The following REV1 variants were observed in gnomAD, a reference collection of about 807,000 sequenced individuals.
REV1 encodes REV1 DNA directed polymerase.
REV1 carries 42 observed loss-of-function variants against 137.4 expected under a neutral mutation model. The ratio of observed to expected loss-of-function variants is 0.31; its 90% CI spans 0.24 to 0.40. REV1 has a LOEUF of 0.40. Ranked by LOEUF, REV1 falls within the 10% of genes least tolerant of loss-of-function variation. REV1 has a pLI of 1.00. For synonymous variants in REV1, 524 were observed against 519.2 expected, an observed-to-expected ratio of 1.01 and a Z score of -0.12; for missense variants, 1,282 against 1,490.1, an observed-to-expected ratio of 0.86 and a Z score of 2.30.
intron 1 of REV1, among the ~76,000 whole-genome samples, chr2:99,473,245 G>A (rs1039520513): frequency 6.6e-6 from 1 of 152,028 alleles, no homozygotes; most frequent in Non-Finnish European, 1.5e-5. Flanking sequence ...GCGCATGCCT[G>A]TAGTCCCAGC....
intron 9 of REV1, among the ~76,000 whole-genome samples, chr2:99,428,008 T>C (rs1027143425): frequency 6.6e-5 from 10 of 152,080 alleles, no homozygotes; most frequent in African/African-American, 2.2e-4. Context: ...CTACACACAA[T>C]TGTGGCTCCT....
rs762376327 is a variant in REV1 at position 99,406,396 on chromosome 2, C to T, written c.2543G>A (p.Gly848Glu). ...GAAGACATCACGGACAGAGTATGAC[C>T]CACTAGGAAAGTGGCTTGACTGAAC... ...PSVQSSHFPS[G>E]SYSVRDVFQV... Residue 848 changes from glycine (G) to glutamate (E), a missense_variant, in exon 16 of 23, where the codon GGG becomes GAG. By Grantham distance (98) the Gly-to-Glu change is moderately conservative (BLOSUM62 -2). Around this residue, in one of 7 missense-constraint regions of REV1, gnomAD observed 372 missense variants for 482.3 expected, o/e 0.77. Transcript: ENST00000258428. 1.2e-6 allele frequency: 2 copies of T among 1,613,666 alleles called. No homozygotes were observed. Among genetic ancestry groups the T allele is most frequent in the South Asian group, 1.1e-5 (1 of 91,040 alleles).
chr2:99,433,460 CTA>C (rs1189134010), intron 8 of REV1, among the ~76,000 whole-genome samples: 6 of 152,162 alleles, frequency 3.9e-5, no homozygotes, highest in Non-Finnish European at 2.9e-5. Flanking sequence ...AACAAAAAGA[CTA>C]TAATCCCAAA....
At chr2:99,416,022 A>G (rs948672420) in intron 12 of REV1, among the ~76,000 whole-genome samples, 2 of 152,370 alleles carry the variant, frequency 1.3e-5, no homozygotes, top group South Asian at 2.1e-4. Flanking sequence ...AAAACTTACT[A>G]TTGTGTTTTT....
chr2:99,477,189 G>C (rs1686074999), intron 1 of REV1, among the ~76,000 whole-genome samples: 1 of 152,132 alleles, frequency 6.6e-6, no homozygotes, highest in Non-Finnish European at 1.5e-5. Context: ...AGGCAGAGTG[G>C]GCAACCAGAG....
At chr2:99,465,304 T>C (rs2105153059) in intron 1 of REV1, among the ~76,000 whole-genome samples, 2 of 152,320 alleles carry the variant, frequency 1.3e-5, no homozygotes, top group Admixed American at 1.3e-4. Flanking sequence ...AACATGGCCA[T>C]GCTTACTTTA....
rs1363246009 is a variant in REV1 at position 99,406,007 on chromosome 2, T to A, written c.2714A>T (p.Asn905Ile). ...CCATTTCCCTGAAGACTCAGCCTTG[T>A]TAGTATCAGGACTGGTCGGCAGATG... ...PAHLPTSPDT[N>I]KAESSGKWNG... The change falls in exon 17 of 23, where the codon AAC (asparagine) becomes ATC (isoleucine). Residue 905 changes from asparagine (N) to isoleucine (I), a missense_variant. By Grantham distance (149) the Asn-to-Ile change is moderately radical. This residue lies in a region of REV1 where 135 missense variants were observed against 123.3 expected (regional missense o/e 1.10). Coordinates refer to ENST00000258428, the MANE Select transcript of REV1 (RefSeq NM_016316.4). The A allele has an allele frequency of 6.2e-7, 1 of 1,614,096 alleles. No homozygotes were observed. The highest frequency in any genetic ancestry group is 1.1e-5 in the South Asian group (1 of 91,072).
chr2:99,469,041 G>A (rs1478523234), intron 1 of REV1, among the ~76,000 whole-genome samples: 2 of 152,142 alleles, frequency 1.3e-5, no homozygotes, highest in African/African-American at 2.4e-5. Flanking sequence ...TAACAGCACT[G>A]AGCCTAACAT....
At chr2:99,485,423 A>G (rs1211158961) in intron 1 of REV1, among the ~76,000 whole-genome samples, 1 of 152,238 alleles carries the variant, frequency 6.6e-6, no homozygotes, top group Non-Finnish European at 1.5e-5. Context: ...GGAAAAACCC[A>G]GTGAAAGAAG....
chr2:99,464,883 AC>A lies in REV1; in HGVS notation c.54+38del, dbSNP rs1684625011. On this transcript the variant is annotated intron_variant, in intron 2 of 22. Coordinates refer to ENST00000258428, the MANE Select transcript of REV1 (RefSeq NM_016316.4). The stretch of plus-strand genomic sequence containing the variant: ...TAACAGAAGAATGAAAAATAACTAG[AC>A]AGTTCGATATAATTATTTTTACTCT... The A allele has an allele frequency of 1.9e-6, 3 of 1,567,082 alleles. No individual in the cohort carries two copies. In the East Asian group the frequency reaches 6.7e-5, roughly 35 times the overall value.
At chr2:99,421,714 G>A (rs1168735526) in intron 10 of REV1, 61 bp from the exon 11 acceptor site, 1 of 1,524,334 alleles carries the variant, frequency 6.6e-7, no homozygotes, top group Non-Finnish European at 8.9e-7. Context: ...TAGACCCAAT[G>A]TTGCAAAATA....
In REV1 at chr2:99,429,830, T is replaced by G. The variant is rs1185582795; in HGVS notation, c.1547+10A>C. 1 of 1,486,420 alleles carries G rather than the reference T, an allele frequency of 6.7e-7. No homozygotes were observed. Among genetic ancestry groups the G allele is most frequent in the East Asian group, 2.3e-5 (1 of 42,602 alleles). The allele number at this position is 1,486,420 out of a possible 1,614,324, so 92.1% of individuals were successfully genotyped here. ...TTCATTAAGAATTGTAACACACAAC[T>G]TCTACATACCTGGCCTCATAACTAC... On this transcript the variant is annotated intron_variant, in intron 9 of 22. Coordinates refer to ENST00000258428, the MANE Select transcript of REV1 (RefSeq NM_016316.4).
At chr2:99,475,371 T>G (rs986129537) in intron 1 of REV1, among the ~76,000 whole-genome samples, 1 of 152,126 alleles carries the variant, frequency 6.6e-6, no homozygotes, top group Non-Finnish European at 1.5e-5. Flanking sequence ...CACTTTTAAA[T>G]AAGGAAGAGA....
At chr2:99,419,145 C>T (rs767504804) in intron 11 of REV1, among the ~76,000 whole-genome samples, 198 bp from the exon 12 acceptor site, 1 of 151,730 alleles carries the variant, frequency 6.6e-6, no homozygotes, top group East Asian at 1.9e-4. Flanking sequence ...TTTCTCTTTG[C>T]TCTAACGCAA....
At chr2:99,437,037 G>C (rs1240970447) in intron 6 of REV1, among the ~76,000 whole-genome samples, 1 of 143,736 alleles carries the variant, frequency 7.0e-6, no homozygotes, top group Non-Finnish European at 1.5e-5. Flanking sequence ...TGCCCAGTCT[G>C]GAGTGCAGTG....
rs180722817 is a variant in REV1 at position 99,410,648 on chromosome 2, C to G, written c.2345+47G>C. The G allele has an allele frequency of 8.8e-6, 13 of 1,471,350 alleles. No individual in the cohort carries two copies. The African/African-American group carries it at 1.3e-4, about 15-fold the overall frequency. 91.1% of individuals were successfully genotyped at this position (1,471,350 alleles called of 1,614,324 possible). A position where few individuals can be genotyped will look rare whatever the true frequency, so the allele number is the denominator to read the frequency against. On this transcript the variant is annotated intron_variant, in intron 14 of 22. Coordinates refer to ENST00000258428, the MANE Select transcript of REV1 (RefSeq NM_016316.4). ...CTTCATTTTCTATTACTTACAACAA[C>G]CTGTACTGAAATATAATTACCAATA...
chr2:99,406,546 T>C, intron 15 of REV1, 56 bp from the exon 16 acceptor site: 2 of 1,383,412 alleles, frequency 1.4e-6, no homozygotes, highest in South Asian at 1.6e-5. Flanking sequence ...AAATATGAAT[T>C]CAGCTAAGCA....
chr2:99,476,864 G>A (rs1374486652), intron 1 of REV1, among the ~76,000 whole-genome samples: 1 of 152,222 alleles, frequency 6.6e-6, no homozygotes, highest in East Asian at 1.9e-4. Flanking sequence ...TTCGCTGGCA[G>A]AGGATAACTG....
chr2:99,406,204 A>C (rs912776335), intron 16 of REV1, 98 bp from the exon 17 acceptor site: 19 of 1,378,660 alleles, frequency 1.4e-5, no homozygotes, highest in Middle Eastern at 1.9e-4. Context: ...TTACTGATTC[A>C]TCATAATGAA....
Sources: allele counts gnomAD v4.1 joint callset (sites outside exome capture counted in the v4.1 genomes callset), GRCh38; gene constraint gnomAD v4.1.1; regional missense constraint gnomAD v4.1.1; transcripts MANE v1.5; gene names NCBI Gene and HGNC (gene_info 2026-07-23, HGNC 2026-07-21).